SDK2: variants seen among roughly 807,000 people sequenced by gnomAD.
SDK2 encodes the protein sidekick cell adhesion molecule 2, also known as protein sidekick-2.
In SDK2, 105 loss-of-function variants were observed where a neutral mutation model predicts 253.9. The ratio of observed to expected loss-of-function variants is 0.41; its 90% confidence interval spans 0.35 to 0.49. The LOEUF (loss-of-function observed/expected upper bound fraction) is 0.49. Ranked by LOEUF, SDK2 falls within the 20% of genes least tolerant of loss-of-function variation. The pLI is 0.06. For missense variants in SDK2, 2,608 were observed against 3,003.0 expected (o/e 0.87, Z 3.07); for synonymous variants, 1,249 against 1,234.9 (o/e 1.01, Z -0.24).
intron 1 of SDK2, among the ~76,000 whole-genome samples, chr17:73,558,411 A>G (rs1158779003): frequency 6.9e-6 from 1 of 143,924 alleles, no homozygotes; most frequent in Admixed American, 6.9e-5. Flanking sequence ...TCAGTTAGGA[A>G]GGAAGGGAAG....
chr17:73,388,831 T>TC (rs2062899552), intron 29 of SDK2, among the ~76,000 whole-genome samples: 1 of 105,930 alleles, frequency 9.4e-6, no homozygotes. Context: ...CTTCCTTCCT[T>TC]CCTTCCCCCC....
At position 73,612,475 on chromosome 17, in the gene SDK2, G is replaced by T. The variant is rs543542802; in HGVS notation, c.64+31550C>A. ...TGGGTCCTTGTGGCCCTGCCGGGGT[G>T]AGGGTAGAAGAGGAGGCCAAGGGAA... On this transcript the variant is annotated intron_variant, in intron 1 of 44. Coordinates refer to ENST00000392650, the MANE Select transcript of SDK2 (RefSeq NM_001144952.2). The surrounding 1 kb of genome is among the most constrained non-coding windows in gnomAD (Gnocchi z 4.4). Among the ~76,000 whole-genome samples the T allele has an allele frequency of 6.6e-6, 1 of 152,198 alleles. No individual in the cohort carries two copies.
At chr17:73,366,260 G>C (rs1320134354) in intron 37 of SDK2, among the ~76,000 whole-genome samples, 2 of 152,198 alleles carry the variant, frequency 1.3e-5, no homozygotes, top group Admixed American at 6.5e-5. Flanking sequence ...AGAACATGTT[G>C]TCCTGCTGCC....
chr17:73,367,251 C>A (rs1363338849), intron 37 of SDK2, among the ~76,000 whole-genome samples: 1 of 152,074 alleles, frequency 6.6e-6, no homozygotes, highest in Admixed American at 6.6e-5. Context: ...TCAAATGATC[C>A]ACCCACCTCG....
At chr17:73,368,792 T>C (rs1412333342) in intron 36 of SDK2, among the ~76,000 whole-genome samples, 199 bp from the exon 37 acceptor site, 2 of 152,104 alleles carry the variant, frequency 1.3e-5, no homozygotes, top group African/African-American at 2.4e-5. Flanking sequence ...GGTGGATCAC[T>C]TGAGGCCAGG....
chr17:73,558,144 G>A (rs896544767), intron 1 of SDK2, among the ~76,000 whole-genome samples: 4 of 152,234 alleles, frequency 2.6e-5, no homozygotes, highest in African/African-American at 9.6e-5. Context: ...TGAGGCAGGA[G>A]GGGTGCAGGT....
At chr17:73,400,647 G>A (rs2063014753) in intron 21 of SDK2, among the ~76,000 whole-genome samples, 1 of 152,132 alleles carries the variant, frequency 6.6e-6, no homozygotes, top group African/African-American at 2.4e-5. Flanking sequence ...TGAAAGACAA[G>A]GGGCCTCTTT....
intron 1 of SDK2, among the ~76,000 whole-genome samples, chr17:73,628,250 C>T (rs987897835): frequency 6.6e-6 from 1 of 152,228 alleles, no homozygotes; most frequent in Non-Finnish European, 1.5e-5. Context: ...TGCCACCCAG[C>T]ACACACCGTG....
rs2143177716 is a variant in SDK2 at position 73,618,238 on chromosome 17, C to T, written c.64+25787G>A. Among the ~76,000 whole-genome samples the T allele has an allele frequency of 6.6e-6, 1 of 152,332 alleles. No homozygotes were observed. The highest frequency in any genetic ancestry group is 1.5e-5 in the Non-Finnish European group (1 of 68,038). On this transcript the variant is annotated intron_variant, in intron 1 of 44. Transcript: ENST00000392650. The surrounding 1 kb of genome is among the most constrained non-coding windows in gnomAD (Gnocchi z 4.1). ...GCAGCTCTTATACCTAGGAGTGTCCCTCTTAATTAGACCCCATACCTTTGC... is the reference window on the plus strand; with the variant it reads ...GCAGCTCTTATACCTAGGAGTGTCCTTCTTAATTAGACCCCATACCTTTGC...
chr17:73,509,150 G>A (rs981858777), intron 1 of SDK2, among the ~76,000 whole-genome samples: 77 of 152,198 alleles, frequency 5.1e-4, no homozygotes, highest in African/African-American at 1.7e-3. Flanking sequence ...ACTTGTCTAC[G>A]TTCACTCCAC....
At chr17:73,456,771 G>A (rs555972450) in intron 3 of SDK2, among the ~76,000 whole-genome samples, 3 of 152,356 alleles carry the variant, frequency 2.0e-5, no homozygotes, top group African/African-American at 4.8e-5. Context: ...CAGAGGAGAC[G>A]CGGGTAGGAA....
intron 1 of SDK2, among the ~76,000 whole-genome samples, chr17:73,604,735 T>C (rs533995200): frequency 2.0e-5 from 3 of 152,134 alleles, no homozygotes; most frequent in African/African-American, 7.2e-5. Flanking sequence ...CATGTGGGTA[T>C]AGAAATGAGG....
At chr17:73,631,233 C>G (rs1412236748) in intron 1 of SDK2, among the ~76,000 whole-genome samples, 2 of 152,202 alleles carry the variant, frequency 1.3e-5, no homozygotes, top group Non-Finnish European at 2.9e-5. Context: ...CTCGGCCCTC[C>G]TTGGCAGCCC....
rs754876681 is a variant in SDK2, at chr17:73,570,103, C to T, written c.65-62506G>A. Among the ~76,000 whole-genome samples the T allele has an allele frequency of 6.6e-6, 1 of 152,090 alleles. No individual in the cohort carries two copies. Among genetic ancestry groups the T allele is most frequent in the Non-Finnish European group, 1.5e-5 (1 of 67,990 alleles). The stretch of plus-strand genomic sequence containing the variant: ...GCGGCCCCATGACTCTCCCCAGAGC[C>T]CCTCGGGACGGCCCCCCAGAGCCCC... On this transcript the variant is annotated intron_variant, in intron 1 of 44. Transcript: ENST00000392650. The surrounding 1 kb of genome is among the most constrained non-coding windows in gnomAD (Gnocchi z 4.2).
At chr17:73,342,691 C>T (rs2062449333) in intron 44 of SDK2, among the ~76,000 whole-genome samples, 1 of 152,182 alleles carries the variant, frequency 6.6e-6, no homozygotes. Context: ...GACTGTGGGA[C>T]CATCCCACAG....
At chr17:73,442,498 G>A (rs561632850) in intron 5 of SDK2, among the ~76,000 whole-genome samples, 4 of 152,226 alleles carry the variant, frequency 2.6e-5, no homozygotes, top group East Asian at 1.9e-4. Context: ...CCACCACCAC[G>A]TCCGGCTAAT....
At chr17:73,355,176 T>TATATATATATATATATATA (rs1568363071) in intron 40 of SDK2, among the ~76,000 whole-genome samples, 1 of 5,782 alleles carries the variant, frequency 1.7e-4, no homozygotes, top group African/African-American at 4.7e-4. Flanking sequence ...ATATATATAT[T>TATATATATATATATATATA]TTTTTTTTTT....
At chr17:73,390,261 C>G in intron 29 of SDK2, 26 bp downstream of exon 29, 7 of 1,530,364 alleles carry the variant, frequency 4.6e-6, no homozygotes, top group Non-Finnish European at 5.3e-6. Flanking sequence ...GCCCCCAAGC[C>G]TTCCCTGGCC....
chr17:73,419,879 CAAAA>C (rs869121884), intron 15 of SDK2, among the ~76,000 whole-genome samples: 1 of 122,850 alleles, frequency 8.1e-6, no homozygotes. Flanking sequence ...GACCCTGTCT[CAAAA>C]AAAAAAAAAA....
Sources: gnomAD v4.1 joint callset for allele counts (sites outside exome capture counted in the v4.1 genomes callset) on GRCh38, gnomAD v4.1.1 for gene constraint, Gnocchi (gnomAD v3.1) non-coding constraint, MANE v1.5 for transcripts, NCBI Gene and HGNC (gene_info 2026-07-23, HGNC 2026-07-21) for gene names.